Variants in SLC8A1 observed in about 807,000 individuals in gnomAD.
SLC8A1 encodes solute carrier family 8 member A1, also known as sodium/calcium exchanger 1.
A neutral mutation model predicts 68.3 loss-of-function variants in SLC8A1; 18 were observed. The ratio of observed to expected loss-of-function variants is 0.26; its 90% CI spans 0.18 to 0.39. The LOEUF (loss-of-function observed/expected upper bound fraction) is 0.39, where lower values mean the gene tolerates loss of function less well. Ranked by LOEUF, SLC8A1 falls within the 10% of genes least tolerant of loss-of-function variation. The pLI is 1.00. For missense variants in SLC8A1, 985 were observed against 1,156.7 expected, an observed-to-expected ratio of 0.85 and a Z score of 2.15; for synonymous variants, 475 against 415.5, an observed-to-expected ratio of 1.14 and a Z score of -1.74.
chr2:40,449,365 G>A (rs945040002), intron 1 of SLC8A1, among the ~76,000 whole-genome samples: 1 of 152,112 alleles, frequency 6.6e-6, no homozygotes, highest in Non-Finnish European at 1.5e-5. Flanking sequence ...GGAATCATGT[G>A]TTTATTTTGC....
chr2:40,257,218 G>GA (rs1178321231), intron 2 of SLC8A1, among the ~76,000 whole-genome samples: 1 of 152,006 alleles, frequency 6.6e-6, no homozygotes, highest in African/African-American at 2.4e-5. Context: ...AAAAAGTAAA[G>GA]ATAAAAAATA....
intron 2 of SLC8A1, among the ~76,000 whole-genome samples, chr2:40,271,602 G>C (rs1415143454): frequency 6.6e-6 from 1 of 152,144 alleles, no homozygotes; most frequent in African/African-American, 2.4e-5. Context: ...TCTGCCACTA[G>C]AATGCAGAAG....
In SLC8A1 at chr2:40,355,295, T is replaced by G. The variant is rs1244463476; in HGVS notation, c.1808+73178A>C. 3.3e-5 allele frequency among the ~76,000 whole-genome samples: 5 copies of G among 152,266 alleles called. No individual in the cohort carries two copies. In the East Asian group the frequency reaches 9.7e-4, roughly 29 times the overall value. On this transcript the variant is annotated intron_variant, in intron 2 of 7. Coordinates refer to ENST00000406785, the Ensembl canonical transcript of SLC8A1. ...GATTCTGACAACAACATGCATGATA[T>G]TCTCAGTCACAAAGCCTCTCAGTGC... is the stretch of plus-strand genomic sequence containing the variant.
intron 1 of SLC8A1, among the ~76,000 whole-genome samples, chr2:40,444,146 C>CAA (rs1559709777): frequency 6.6e-6 from 1 of 152,010 alleles, no homozygotes; most frequent in African/African-American, 2.4e-5. Flanking sequence ...CCAGTCTGGG[C>CAA]AACATAGCAA....
intron 2 of SLC8A1, among the ~76,000 whole-genome samples, chr2:40,222,212 A>C (rs939972751): frequency 2.0e-5 from 3 of 152,190 alleles, no homozygotes; most frequent in Admixed American, 2.0e-4. Context: ...AGGCCTCAGA[A>C]ATAATACCAC....
intron 1 of SLC8A1, among the ~76,000 whole-genome samples, chr2:40,436,265 G>T (rs1356091545): frequency 1.3e-5 from 2 of 152,070 alleles, no homozygotes; most frequent in African/African-American, 2.4e-5. Flanking sequence ...GTAAAGTAAT[G>T]CTCACAGGGT....
At chr2:40,160,721 G>T in intron 6 of SLC8A1, 44 bp downstream of exon 9, 1 of 1,565,818 alleles carries the variant, frequency 6.4e-7, no homozygotes, top group Non-Finnish European at 8.8e-7. Flanking sequence ...ACTCAGCTCA[G>T]ATTGGGCAAT....
Position 40,253,254 on chromosome 2 carries a change from TATAC to T in SLC8A1, c.1809-75403_1809-75400del, listed in dbSNP as rs200008351. The stretch of plus-strand genomic sequence containing the variant: ...ATACATGTGCGTATATACACATATG[TATAC>T]ATATATACATGTACATATGACGTAT... On this transcript the variant is annotated intron_variant, in intron 2 of 7. Coordinates refer to ENST00000406785, the Ensembl canonical transcript of SLC8A1. Among the ~76,000 whole-genome samples, 1,496 of 150,554 alleles carry T rather than the reference TATAC, an allele frequency of 9.9e-3. 32 individuals carry two copies. Among genetic ancestry groups the T allele is most frequent in the African/African-American group, 0.034 (1,398 of 40,998 alleles).
chr2:40,473,277 T>C (rs1465323949), intron 1 of SLC8A1, among the ~76,000 whole-genome samples: 1 of 152,174 alleles, frequency 6.6e-6, no homozygotes, highest in Non-Finnish European at 1.5e-5. Context: ...TTATTTGGTA[T>C]GATTCCAGAA....
At chr2:40,297,534 G>C (rs1377110548) in intron 2 of SLC8A1, among the ~76,000 whole-genome samples, 3 of 152,124 alleles carry the variant, frequency 2.0e-5, no homozygotes, top group African/African-American at 7.2e-5. Context: ...CATTTTTTCA[G>C]TACATCAATA....
At chr2:40,233,678 A>G (rs1368105528) in intron 2 of SLC8A1, among the ~76,000 whole-genome samples, 4 of 144,112 alleles carry the variant, frequency 2.8e-5, no homozygotes, top group Non-Finnish European at 6.1e-5. Flanking sequence ...GCCCATGCCT[A>G]TGTCCTGAAT....
At chr2:40,216,384 T>A (rs1333735571) in intron 2 of SLC8A1, among the ~76,000 whole-genome samples, 1 of 152,198 alleles carries the variant, frequency 6.6e-6, no homozygotes, top group Non-Finnish European at 1.5e-5. Context: ...TGTACCACAT[T>A]TTCTTTATCT....
At chr2:40,452,783 C>T (rs1440702387), upstream of SLC8A1, among the ~76,000 whole-genome samples, 1 of 150,588 alleles carries the variant, frequency 6.6e-6, no homozygotes, top group Non-Finnish European at 1.5e-5. Flanking sequence ...TGTCCCCCGG[C>T]CAAGAACTGG....
At chr2:40,105,103 C>T (rs550448907) in exon 8 of SLC8A1, 1 of 152,122 alleles carries the variant, frequency 6.6e-6, no homozygotes, top group Non-Finnish European at 1.5e-5. Context: ...TCTAATTCTC[C>T]AAGGAGAATT....
intron 2 of SLC8A1, among the ~76,000 whole-genome samples, chr2:40,215,321 A>G (rs993317097): frequency 4.0e-4 from 61 of 152,162 alleles, no homozygotes; most frequent in Middle Eastern, 6.8e-3. Context: ...ACACACTGCT[A>G]TGCCCAACTA....
At chr2:40,359,822 T>C (rs976076312) in intron 2 of SLC8A1, among the ~76,000 whole-genome samples, 2 of 151,888 alleles carry the variant, frequency 1.3e-5, no homozygotes, top group Non-Finnish European at 2.9e-5. Flanking sequence ...GTGCTTTACA[T>C]AGGATAAAAT....
At chr2:40,262,172 A>G (rs1025038211) in intron 2 of SLC8A1, among the ~76,000 whole-genome samples, 3 of 152,156 alleles carry the variant, frequency 2.0e-5, no homozygotes, top group African/African-American at 7.2e-5. Context: ...CATGTTGGCC[A>G]GGATGGTCTC....
intron 2 of SLC8A1, among the ~76,000 whole-genome samples, chr2:40,354,110 T>C (rs972522402): frequency 6.6e-6 from 1 of 152,168 alleles, no homozygotes; most frequent in Admixed American, 6.6e-5. Flanking sequence ...AGGTTAAATA[T>C]TTTCAGATCT....
At chr2:40,463,805 G>C (rs183457276) in intron 1 of SLC8A1, among the ~76,000 whole-genome samples, 1 of 144,080 alleles carries the variant, frequency 6.9e-6, no homozygotes, top group African/African-American at 2.6e-5. Context: ...AAGGGAGGAG[G>C]ATTAAAGAGG....
Sources: allele counts gnomAD v4.1 joint callset (sites outside exome capture counted in the v4.1 genomes callset), GRCh38; gene constraint gnomAD v4.1.1; transcripts MANE v1.5; gene names NCBI Gene and HGNC (gene_info 2026-07-23, HGNC 2026-07-21).